The following NBEAL1 variants were observed in gnomAD, a reference collection of about 807,000 sequenced individuals.
NBEAL1 encodes the protein neurobeachin-like protein 1.
A neutral mutation model predicts 351.3 loss-of-function variants in NBEAL1; 273 were observed. The ratio of observed to expected loss-of-function variants is 0.78; its 90% CI spans 0.70 to 0.86. The LOEUF (loss-of-function observed/expected upper bound fraction) is 0.86. Ranked by LOEUF, NBEAL1 falls within the 40% of genes least tolerant of loss-of-function variation. The pLI is 0.00. For missense variants in NBEAL1, 2,961 were observed against 3,201.3 expected, an observed-to-expected ratio of 0.92 and a Z score of 1.81; for synonymous variants, 1,050 against 1,086.4, an observed-to-expected ratio of 0.97 and a Z score of 0.66.
At chr2:203,093,998 A>G (rs1222077224) in intron 10 of NBEAL1, among the ~76,000 whole-genome samples, 1 of 152,142 alleles carries the variant, frequency 6.6e-6, no homozygotes, top group African/African-American at 2.4e-5. Context: ...TTAAGTCTTC[A>G]CAACAAAGAG....
chr2:203,104,256 A>G (rs539641748), intron 12 of NBEAL1, among the ~76,000 whole-genome samples: 8 of 152,288 alleles, frequency 5.3e-5, no homozygotes, highest in African/African-American at 1.9e-4. Context: ...TATATTTAAG[A>G]TAGTTAGGTT....
Position 203,180,467 on chromosome 2 carries a change from A to G in NBEAL1, c.6550A>G (p.Ile2184Val), listed in dbSNP as rs1279876737. The G allele has an allele frequency of 6.2e-7, 1 of 1,611,818 alleles. No homozygotes were observed. Among genetic ancestry groups the G allele is most frequent in the African/African-American group, 1.3e-5 (1 of 74,876 alleles). ...TAATCCATATGATGTTAAAGAACTT[A>G]TTCCTGAATTCTTCTATTTCCCAGA... ...MDNPYDVKELIPEFFYFPEFL... is the reference protein window; with the variant it reads ...MDNPYDVKELVPEFFYFPEFL... Residue 2184 changes from isoleucine to valine, a missense_variant, in exon 43 of 56, where the codon ATT becomes GTT. By Grantham distance (29) the Ile-to-Val change is conservative. Coordinates refer to ENST00000683969, the MANE Select transcript of NBEAL1 (RefSeq NM_001378026.1).
rs1303004163 is a variant in NBEAL1, at chr2:203,220,361, G to A, written c.*3007G>A. ...TTGCTGGGCATGGTGGCAGGTGCCT[G>A]TAGTCCCAGCTACTCAGGAGGCTGA... On this transcript the variant is annotated 3_prime_UTR_variant, in exon 56 of 56. Transcript: ENST00000683969. Among the ~76,000 whole-genome samples, 3 of 152,028 alleles carry A rather than the reference G, an allele frequency of 2.0e-5. No individual in the cohort carries two copies. The highest frequency in any genetic ancestry group is 4.4e-5 in the Non-Finnish European group (3 of 68,006).
intron 36 of NBEAL1, 107 bp downstream of exon 36, chr2:203,157,932 T>TTTGGA: frequency 1.2e-6 from 1 of 855,090 alleles, no homozygotes; most frequent in Non-Finnish European, 1.7e-6. Flanking sequence ...GGTCCAACAG[T>TTTGGA]TAATGCTGTA....
At chr2:203,099,519 A>C in intron 11 of NBEAL1, 110 bp from the exon 12 acceptor site, 6 of 618,334 alleles carry the variant, frequency 9.7e-6, no homozygotes, top group Non-Finnish European at 1.7e-5. Flanking sequence ...AGAGGAATGT[A>C]ATGCATGTTA....
chr2:203,069,595 T>A (rs991781950), intron 7 of NBEAL1, among the ~76,000 whole-genome samples: 2 of 152,250 alleles, frequency 1.3e-5, no homozygotes, highest in African/African-American at 4.8e-5. Context: ...ATTTAGGTTG[T>A]GCGCATATTT....
At position 203,043,439 on chromosome 2, in the gene NBEAL1, G is replaced by A. The variant is rs567775224; in HGVS notation, c.143+1583G>A. Among the ~76,000 whole-genome samples the A allele has an allele frequency of 2.6e-5, 4 of 152,154 alleles. No homozygotes were observed. In the East Asian group the frequency reaches 5.8e-4, roughly 22 times the overall value. On this transcript the variant is annotated intron_variant, in intron 3 of 55. Transcript: ENST00000683969. ...AGAGGCATCTAGCCACAAAAGGAGT[G>A]CCAGTTTAAGATAAGTGTTGGCCGG... is the stretch of plus-strand genomic sequence containing the variant.
intron 29 of NBEAL1, 92 bp downstream of exon 29, chr2:203,136,866 G>C: frequency 8.7e-7 from 1 of 1,153,540 alleles, no homozygotes; most frequent in Middle Eastern, 2.2e-4. Context: ...TCAGTATTCT[G>C]TGGATATAAC....
chr2:203,099,573 C>G, intron 11 of NBEAL1, 56 bp from the exon 12 acceptor site: 1 of 1,156,242 alleles, frequency 8.6e-7, no homozygotes, highest in South Asian at 1.4e-5. Flanking sequence ...TTTCCTAACT[C>G]AATAAAAATC....
intron 6 of NBEAL1, among the ~76,000 whole-genome samples, chr2:203,066,490 C>A (rs921722429): frequency 6.6e-6 from 1 of 152,148 alleles, no homozygotes; most frequent in African/African-American, 2.4e-5. Flanking sequence ...TACACAGACA[C>A]AGTAACAATC....
At chr2:203,025,320 CA>C (rs1481612709) in intron 2 of NBEAL1, among the ~76,000 whole-genome samples, 1 of 152,122 alleles carries the variant, frequency 6.6e-6, no homozygotes, top group African/African-American at 2.4e-5. Context: ...TTAATAAAAA[CA>C]GGAGTGCAAA....
chr2:203,142,980 T>C (rs1261831655), intron 31 of NBEAL1, among the ~76,000 whole-genome samples: 2 of 152,214 alleles, frequency 1.3e-5, no homozygotes, highest in African/African-American at 2.4e-5. Flanking sequence ...CTGAAGTCTC[T>C]TGTTGCCTTA....
At chr2:203,199,274 G>T (rs1575119667) in intron 48 of NBEAL1, 64 bp from the exon 49 acceptor site, 8 of 880,628 alleles carry the variant, frequency 9.1e-6, no homozygotes, top group African/African-American at 5.0e-5. Context: ...GTGAGCATCT[G>T]GTTATTCTGG....
At chr2:203,034,455 C>A (rs925491462) in intron 2 of NBEAL1, among the ~76,000 whole-genome samples, 5 of 144,906 alleles carry the variant, frequency 3.5e-5, no homozygotes, top group Middle Eastern at 3.5e-3. Context: ...CCACACCCGG[C>A]CATTTTTTTT....
chr2:203,100,754 G>A (rs1264343744), intron 12 of NBEAL1, among the ~76,000 whole-genome samples: 2 of 151,898 alleles, frequency 1.3e-5, no homozygotes, highest in African/African-American at 4.8e-5. Flanking sequence ...CACCACGTTG[G>A]CCAGGCTGGT....
intron 6 of NBEAL1, among the ~76,000 whole-genome samples, chr2:203,063,752 T>G (rs1184176013): frequency 6.6e-6 from 1 of 152,126 alleles, no homozygotes; most frequent in Non-Finnish European, 1.5e-5. Context: ...GCCCTGTGCC[T>G]CCTACTTGTC....
At chr2:203,148,526 G>C (rs904916533) in intron 33 of NBEAL1, among the ~76,000 whole-genome samples, 1 of 151,892 alleles carries the variant, frequency 6.6e-6, no homozygotes, top group Non-Finnish European at 1.5e-5. Flanking sequence ...GCCAGTCTTC[G>C]GTTTGTTTCT....
At chr2:203,216,009 TAAAAAA>T (rs60748031) in intron 55 of NBEAL1, among the ~76,000 whole-genome samples, 1 of 125,534 alleles carries the variant, frequency 8.0e-6, no homozygotes, top group Non-Finnish European at 1.7e-5. Context: ...AAACCCTGTC[TAAAAAA>T]AAAAAAAAAA....
At chr2:203,031,770 A>G (rs1326036876) in intron 2 of NBEAL1, among the ~76,000 whole-genome samples, 1 of 152,208 alleles carries the variant, frequency 6.6e-6, no homozygotes, top group African/African-American at 2.4e-5. Context: ...AGAATTACTT[A>G]GGAAAATTTA....
Sources: gnomAD v4.1 joint callset for allele counts (sites outside exome capture counted in the v4.1 genomes callset) on GRCh38, gnomAD v4.1.1 for gene constraint, MANE v1.5 for transcripts, NCBI Gene and HGNC (gene_info 2026-07-23, HGNC 2026-07-21) for gene names.